ZNF224: variants seen among roughly 807,000 people sequenced by gnomAD.
The protein encoded by ZNF224 is zinc finger protein 224.
Under a neutral mutation model 10.5 loss-of-function variants are expected in ZNF224, and 8 were observed. The ratio of observed to expected loss-of-function variants is 0.76; its 90% CI spans 0.45 to 1.37. ZNF224 has a LOEUF of 1.37. ZNF224 is among the 40% of genes most tolerant of loss of function. ZNF224 has a pLI of 0.00. For missense variants in ZNF224, 754 were observed against 854.0 expected (o/e 0.88, Z 1.46); for synonymous variants, 282 against 287.8 (o/e 0.98, Z 0.20).
chr19:44,100,827 T>C lies in ZNF224; in HGVS notation c.42T>C (p.Ala14=). The C allele has an allele frequency of 6.2e-7, 1 of 1,613,958 alleles. No homozygotes were observed. The change falls in exon 4 of 6, where the codon GCT becomes GCC. Residue 14 remains alanine, a synonymous_variant. Coordinates refer to ENST00000693561, the MANE Select transcript of ZNF224 (RefSeq NM_001321645.3). The part of the protein sequence containing the change: ...FKEAMTFKDV[A]VVFTEEELGL... ...AGGCAATGACCTTCAAGGACGTGGC[T>C]GTGGTCTTCACTGAGGAAGAGCTGG...
intron 5 of ZNF224, chr19:44,105,291 T>G (rs1390096268): frequency 6.6e-6 from 1 of 152,224 alleles, no homozygotes; most frequent in Non-Finnish European, 1.5e-5. Context: ...GTTAATATCT[T>G]TACTTTGTAA....
Position 44,108,082 on chromosome 19 carries a change from T to C in ZNF224, c.1922T>C (p.Val641Ala), listed in dbSNP as rs372329742. 1.6e-5 allele frequency: 25 copies of C among 1,611,564 alleles called. No homozygotes were observed. Among genetic ancestry groups the C allele is most frequent in the Non-Finnish European group, 2.1e-5 (25 of 1,178,462 alleles). The change falls in exon 6 of 6, where the codon GTG becomes GCG. Residue 641 changes from valine (V) to alanine (A), a missense_variant. Transcript: ENST00000693561. The part of the protein sequence containing the change: ...KNIVQNSFSK[V>A]QEKVHSVEKP... ...ATTGTACAGAATTCATTCTCTAAAG[T>C]GCAAGAAAAAGTTCACAGTGTAGAA...
chr19:44,108,139 G>A lies in ZNF224; in HGVS notation c.1979G>A (p.Gly660Asp). The change falls in exon 6 of 6, where the codon GGC becomes GAC. Residue 660 changes from glycine (G) to aspartate (D), a missense_variant. By Grantham distance (94) the Gly-to-Asp change is moderately conservative (BLOSUM62 -1). Coordinates refer to ENST00000693561, the MANE Select transcript of ZNF224 (RefSeq NM_001321645.3). The part of the protein sequence containing the change: ...KPYKCEDCGK[G>D]YNRRLNLDMH... ...TACAAATGTGAGGACTGTGGGAAGG[G>A]CTACAACAGGCGCTTGAATCTTGAT... 2 of 1,614,238 alleles carry A rather than the reference G, an allele frequency of 1.2e-6. No individual in the cohort carries two copies. Among genetic ancestry groups the A allele is most frequent in the Non-Finnish European group, 1.7e-6 (2 of 1,180,040 alleles).
At chr19:44,096,469 C>T (rs1480744225) in intron 2 of ZNF224, 38 bp downstream of exon 2, 1 of 152,128 alleles carries the variant, frequency 6.6e-6, no homozygotes, top group Non-Finnish European at 1.5e-5. Context: ...TATGGTTTCA[C>T]ATAACATATT....
At chr19:44,100,128 G>A (rs1171781501) in intron 3 of ZNF224, among the ~76,000 whole-genome samples, 1 of 152,152 alleles carries the variant, frequency 6.6e-6, no homozygotes, top group Non-Finnish European at 1.5e-5. Context: ...ATATTCCACT[G>A]TTTAATTTGA....
In ZNF224 at chr19:44,108,420, A is replaced by G. The variant is rs576390113; in HGVS notation, c.*136A>G. On this transcript the variant is annotated 3_prime_UTR_variant, in exon 6 of 6. Coordinates refer to ENST00000693561, the MANE Select transcript of ZNF224 (RefSeq NM_001321645.3). ...CTTTGAGTATTTTATCTCTGAATCC[A>G]TGCTGGTGATAAATTTCACCCATTC... is the stretch of plus-strand genomic sequence containing the variant. The G allele has an allele frequency of 2.2e-6, 2 of 921,748 alleles. No homozygotes were observed. The highest frequency in any genetic ancestry group is 3.3e-5 in the African/African-American group (2 of 60,060). 57.1% of individuals were successfully genotyped at this position (921,748 alleles called of 1,614,324 possible).
Position 44,108,513 on chromosome 19 carries a change from A to G in ZNF224, c.*229A>G. ...CAGCCATAGCTCAGCATGCCCCAGT[A>G]GTCTCAGGACCACCATAATGGAGAA... is the stretch of plus-strand genomic sequence containing the variant. On this transcript the variant is annotated 3_prime_UTR_variant, in exon 6 of 6. Coordinates refer to ENST00000693561, the MANE Select transcript of ZNF224 (RefSeq NM_001321645.3). 1.8e-6 allele frequency: 1 copy of G among 545,674 alleles called. No individual in the cohort carries two copies. Among genetic ancestry groups the G allele is most frequent in the Non-Finnish European group, 3.3e-6 (1 of 303,850 alleles). The allele number at this position is 545,674 out of a possible 1,614,324, so 33.8% of individuals were successfully genotyped here. A position where few individuals can be genotyped will look rare whatever the true frequency, so the allele number is the denominator to read the frequency against.
intron 5 of ZNF224, among the ~76,000 whole-genome samples, chr19:44,104,107 C>T (rs1967599549): frequency 1.3e-5 from 2 of 152,206 alleles, no homozygotes; most frequent in African/African-American, 4.8e-5. Flanking sequence ...ATTGTCTCAT[C>T]AGGAGCATCA....
At chr19:44,095,548 C>G (rs1386895437) in intron 1 of ZNF224, 2 of 152,194 alleles carry the variant, frequency 1.3e-5, no homozygotes, top group Non-Finnish European at 2.9e-5. Context: ...ATGTTGTCAA[C>G]TATTTTGTTT....
intron 4 of ZNF224, 102 bp downstream of exon 4, chr19:44,101,029 G>T (rs1346792874): frequency 8.1e-6 from 13 of 1,610,868 alleles, no homozygotes; most frequent in Non-Finnish European, 1.1e-5. Context: ...TGAACCTATG[G>T]TTCAAGTTTG....
At chr19:44,098,995 T>C (rs543575838) in intron 3 of ZNF224, among the ~76,000 whole-genome samples, 4 of 152,360 alleles carry the variant, frequency 2.6e-5, no homozygotes, top group African/African-American at 7.2e-5. Context: ...CTTAAACACA[T>C]GAAATATGAG....
At position 44,107,084 on chromosome 19, in the gene ZNF224, G is replaced by A; in HGVS notation, c.924G>A (p.Met308Ile). The A allele has an allele frequency of 6.2e-7, 1 of 1,601,296 alleles. No homozygotes were observed. Among genetic ancestry groups the A allele is most frequent in the Non-Finnish European group, 8.5e-7 (1 of 1,173,102 alleles). The change falls in exon 6 of 6, where the codon ATG (methionine) becomes ATA (isoleucine). Residue 308 changes from methionine to isoleucine, a missense_variant. Transcript: ENST00000693561. ...CGRSRLNRHS[M>I]VHTAEKPFRC... is the part of the protein sequence containing the mutation. ...GATCAAGACTTAATAGGCATTCCAT[G>A]GTTCACACGGCAGAGAAACCATTCC...
Position 44,101,128 on chromosome 19 carries a change from T to G in ZNF224, c.143-5T>G, listed in dbSNP as rs770294002. ...GATTAAGCATGTAAGTTTGCCTGTT[T>G]GCAGGACATCAAGCATTCCACAGGG... is the stretch of plus-strand genomic sequence containing the variant. On this transcript the variant is annotated splice_polypyrimidine_tract_variant and splice_region_variant and intron_variant, in intron 4 of 5. Coordinates refer to ENST00000693561, the MANE Select transcript of ZNF224 (RefSeq NM_001321645.3). The G allele has an allele frequency of 5.6e-6, 9 of 1,614,140 alleles. No homozygotes were observed. In the East Asian group the frequency reaches 6.7e-5, roughly 12 times the overall value.
rs1484312002 is a variant in ZNF224, at chr19:44,107,082, A to G, written c.922A>G (p.Met308Val). The G allele has an allele frequency of 4.4e-6, 7 of 1,601,764 alleles. No individual in the cohort carries two copies. Among genetic ancestry groups the G allele is most frequent in the Non-Finnish European group, 6.0e-6 (7 of 1,173,336 alleles). ...TAGATCAAGACTTAATAGGCATTCC[A>G]TGGTTCACACGGCAGAGAAACCATT... ...CGRSRLNRHS[M>V]VHTAEKPFRC... The change falls in exon 6 of 6, where the codon ATG becomes GTG. Residue 308 changes from methionine (M) to valine (V), a missense_variant. Coordinates refer to ENST00000693561, the MANE Select transcript of ZNF224 (RefSeq NM_001321645.3).
intron 5 of ZNF224, among the ~76,000 whole-genome samples, chr19:44,103,540 T>TA (rs1433655064): frequency 3.3e-5 from 5 of 152,252 alleles, no homozygotes; most frequent in African/African-American, 1.2e-4. Context: ...CATGAAGATG[T>TA]GATCATTTCT....
chr19:44,100,620 G>C (rs1313140381), intron 3 of ZNF224, among the ~76,000 whole-genome samples, 181 bp from the exon 4 acceptor site: 1 of 152,104 alleles, frequency 6.6e-6, no homozygotes, highest in South Asian at 2.1e-4. Flanking sequence ...GTTTCTGGTG[G>C]AACTCAGGGA....
chr19:44,101,566 G>C (rs1967550251), intron 5 of ZNF224, among the ~76,000 whole-genome samples: 1 of 152,084 alleles, frequency 6.6e-6, no homozygotes, highest in Admixed American at 6.5e-5. Flanking sequence ...TACATCTCCT[G>C]TCCTCTCCTT....
chr19:44,094,720 A>G (rs756099442), intron 1 of ZNF224, 190 bp downstream of exon 1: 7 of 152,250 alleles, frequency 4.6e-5, no homozygotes, highest in Non-Finnish European at 1.0e-4. Flanking sequence ...TCTTCTCGAT[A>G]TAACGTTGGG....
At chr19:44,102,305 G>A (rs1304023281) in intron 5 of ZNF224, among the ~76,000 whole-genome samples, 1 of 152,146 alleles carries the variant, frequency 6.6e-6, no homozygotes, top group East Asian at 1.9e-4. Context: ...TTCTTCTTGT[G>A]CTCTCTTGTA....
Sources: gnomAD v4.1 joint callset for allele counts (sites outside exome capture counted in the v4.1 genomes callset) on GRCh38, gnomAD v4.1.1 for gene constraint, MANE v1.5 for transcripts, NCBI Gene and HGNC (gene_info 2026-07-23, HGNC 2026-07-21) for gene names.